EXD1: variants seen among roughly 807,000 people sequenced by gnomAD.
The protein encoded by EXD1 is exonuclease 3'-5' domain containing 1, also known as piRNA biogenesis protein EXD1.
EXD1 carries 63 observed loss-of-function variants against 49.1 expected under a neutral mutation model. The ratio of observed to expected loss-of-function variants is 1.28; its 90% confidence interval spans 1.05 to 1.58. The LOEUF (loss-of-function observed/expected upper bound fraction) is 1.58. Ranked by LOEUF, EXD1 falls within the 40% of genes most tolerant of loss-of-function variation. The probability of loss-of-function intolerance (pLI) is 0.00; values close to 1 mark genes in which losing one functional copy is unlikely to be tolerated. For missense variants in EXD1, 748 were observed against 666.0 expected (o/e 1.12, Z -1.36); for synonymous variants, 234 against 239.2 (o/e 0.98, Z 0.20).
At chr15:41,199,759 C>CACAT (rs2046691570) in intron 7 of EXD1, among the ~76,000 whole-genome samples, 8 of 12,612 alleles carry the variant, frequency 6.3e-4, no homozygotes, top group East Asian at 0.019. Flanking sequence ...ATATATGATA[C>CACAT]ATATATGATA....
chr15:41,196,039 T>A lies in EXD1; in HGVS notation c.535-2A>T, dbSNP rs2046608030. 1.9e-6 allele frequency: 3 copies of A among 1,607,544 alleles called. No homozygotes were observed. ...GTAAACTCGGCAATTTGTGGCCACC[T>A]ACAATAGACCATCCAGACACACATA... On this transcript the variant is annotated splice_acceptor_variant, in intron 7 of 11. Coordinates refer to ENST00000458580, the MANE Select transcript of EXD1 (RefSeq NM_001286441.2). LOFTEE classifies it high-confidence loss of function.
At chr15:41,198,275 G>T (rs2046647034) in intron 7 of EXD1, among the ~76,000 whole-genome samples, 1 of 152,080 alleles carries the variant, frequency 6.6e-6, no homozygotes, top group South Asian at 2.1e-4. Context: ...ATGATTAGAG[G>T]GCTGGGACTT....
Position 41,219,878 on chromosome 15 carries a change from G to A in EXD1, c.154C>T (p.Arg52Ter), listed in dbSNP as rs933802729. 12 of 1,534,962 alleles carry A rather than the reference G, an allele frequency of 7.8e-6. No individual in the cohort carries two copies. Among genetic ancestry groups the A allele is most frequent in the Non-Finnish European group, 1.0e-5 (12 of 1,146,538 alleles). ...AACAACTTCACTCCTGGGACACTTC[G>A]ACCTGTCTCCACATTCTTCACTGTT... ...LKKVKNVETG[R>*]SVPGVKLFFG... The change falls in exon 3 of 12, where the codon CGA becomes TGA. Residue 52 changes from arginine to a stop codon, truncating the protein, a stop_gained. Coordinates refer to ENST00000458580, the MANE Select transcript of EXD1 (RefSeq NM_001286441.2). LOFTEE classifies it high-confidence loss of function.
intron 7 of EXD1, among the ~76,000 whole-genome samples, chr15:41,209,027 T>G (rs1190488550): frequency 6.6e-6 from 1 of 150,888 alleles, no homozygotes; most frequent in Non-Finnish European, 1.5e-5. Context: ...AGACAGAAGC[T>G]CTCTCCTTTT....
intron 7 of EXD1, among the ~76,000 whole-genome samples, chr15:41,199,884 A>C (rs926969847): frequency 6.9e-6 from 1 of 145,070 alleles, no homozygotes; most frequent in Non-Finnish European, 1.5e-5. Flanking sequence ...TATCATATAT[A>C]TATGATATAT....
chr15:41,184,783 T>C (rs1489391157), intron 11 of EXD1, among the ~76,000 whole-genome samples, 190 bp from the exon 12 acceptor site: 5 of 152,024 alleles, frequency 3.3e-5, no homozygotes, highest in African/African-American at 9.7e-5. Flanking sequence ...GCCTCCCAAG[T>C]AGCTGGGACT....
chr15:41,230,660 T>G lies in EXD1; in HGVS notation c.-235A>C. 1.1e-5 allele frequency: 13 copies of G among 1,166,474 alleles called. No individual in the cohort carries two copies. Among genetic ancestry groups the G allele is most frequent in the Non-Finnish European group, 1.5e-5 (12 of 818,092 alleles). 72.3% of individuals were successfully genotyped at this position (1,166,474 alleles called of 1,614,324 possible). On this transcript the variant is annotated 5_prime_UTR_variant, in exon 1 of 12. Coordinates refer to ENST00000458580, the MANE Select transcript of EXD1 (RefSeq NM_001286441.2). ...ACGCTCCACGCCACCCGGCGGCGGT[T>G]ATCAAATCACAGGCTGAAAACCTGG...
rs957482711 is a variant in EXD1 at position 41,222,909 on chromosome 15, G to A, written c.134-3011C>T. Among the ~76,000 whole-genome samples, 8 of 140,810 alleles carry A rather than the reference G, an allele frequency of 5.7e-5. No individual in the cohort carries two copies. In the East Asian group the frequency reaches 1.0e-3, roughly 18 times the overall value. The allele number at this position is 140,810 out of a possible 152,430, so 92.4% of individuals were successfully genotyped here. A position where few individuals can be genotyped will look rare whatever the true frequency, so the allele number is the denominator to read the frequency against. Reference sequence around the variant, plus strand: ...CAAGATTGAGCCACTGCACTCCAGCGTGAGGACAGACTGAGACTCTGTCTC... The same window carrying A: ...CAAGATTGAGCCACTGCACTCCAGCATGAGGACAGACTGAGACTCTGTCTC... On this transcript the variant is annotated intron_variant, in intron 2 of 11. Coordinates refer to ENST00000458580, the MANE Select transcript of EXD1 (RefSeq NM_001286441.2).
intron 6 of EXD1, among the ~76,000 whole-genome samples, chr15:41,213,107 A>C (rs932561479): frequency 6.6e-6 from 1 of 152,200 alleles, no homozygotes; most frequent in African/African-American, 2.4e-5. Flanking sequence ...TACTGATATA[A>C]GCTGTAATGT....
intron 3 of EXD1, 64 bp downstream of exon 3, chr15:41,219,766 G>A: frequency 7.5e-7 from 1 of 1,334,066 alleles, no homozygotes; most frequent in Non-Finnish European, 1.0e-6. Flanking sequence ...ATTAAGACAA[G>A]ACAATTTCAA....
chr15:41,227,115 T>TA (rs1392384752), intron 1 of EXD1, among the ~76,000 whole-genome samples: 25 of 152,318 alleles, frequency 1.6e-4, no homozygotes, highest in Non-Finnish European at 2.2e-4. Context: ...CTGAAGCTGA[T>TA]AATTTTAAGT....
chr15:41,220,986 G>A (rs1011335844), intron 2 of EXD1, among the ~76,000 whole-genome samples: 1 of 152,088 alleles, frequency 6.6e-6, no homozygotes, highest in Non-Finnish European at 1.5e-5. Context: ...GGGATTACAG[G>A]TGTAAGCCAC....
intron 6 of EXD1, among the ~76,000 whole-genome samples, chr15:41,211,577 G>A (rs1249688052): frequency 2.0e-5 from 3 of 152,022 alleles, no homozygotes; most frequent in Non-Finnish European, 4.4e-5. Context: ...ATTCCTAGCA[G>A]TGAAGGAGGC....
intron 6 of EXD1, 52 bp from the exon 7 acceptor site, chr15:41,209,639 T>G (rs1197019012): frequency 1.3e-6 from 2 of 1,486,126 alleles, no homozygotes; most frequent in African/African-American, 2.8e-5. Flanking sequence ...AATGTTGGCA[T>G]GATAACATCA....
intron 1 of EXD1, among the ~76,000 whole-genome samples, chr15:41,229,658 C>A (rs1325006350): frequency 6.6e-6 from 1 of 152,108 alleles, no homozygotes; most frequent in Non-Finnish European, 1.5e-5. Flanking sequence ...ACCCCAGCTA[C>A]TAGGGAGTCT....
intron 11 of EXD1, among the ~76,000 whole-genome samples, chr15:41,188,120 C>T (rs926641913): frequency 8.1e-5 from 12 of 148,842 alleles, no homozygotes; most frequent in African/African-American, 3.0e-4. Context: ...CTGTAAAGAA[C>T]AAAACAGCAA....
intron 1 of EXD1, among the ~76,000 whole-genome samples, chr15:41,227,603 G>A (rs1180750861): frequency 6.6e-6 from 1 of 150,830 alleles, no homozygotes; most frequent in Non-Finnish European, 1.5e-5. Flanking sequence ...CCGGGAGGCA[G>A]AGGTTGCAGT....
intron 6 of EXD1, among the ~76,000 whole-genome samples, chr15:41,212,938 G>C (rs1422822053): frequency 6.6e-6 from 1 of 152,032 alleles, no homozygotes; most frequent in Non-Finnish European, 1.5e-5. Flanking sequence ...CTACTTGGGA[G>C]GCTAAGGTGG....
intron 7 of EXD1, among the ~76,000 whole-genome samples, chr15:41,198,516 C>A (rs1160877676): frequency 6.6e-6 from 1 of 151,814 alleles, no homozygotes; most frequent in Non-Finnish European, 1.5e-5. Flanking sequence ...CTTATGGACA[C>A]CCCATCTGTA....
Sources: gnomAD v4.1 joint callset for allele counts (sites outside exome capture counted in the v4.1 genomes callset) on GRCh38, gnomAD v4.1.1 for gene constraint, MANE v1.5 for transcripts, NCBI Gene and HGNC (gene_info 2026-07-23, HGNC 2026-07-21) for gene names.